The following ANK2 variants were observed in gnomAD, a reference collection of about 807,000 sequenced individuals.
The protein encoded by ANK2 is ankyrin-2.
In ANK2, 83 loss-of-function variants were observed where a neutral mutation model predicts 360.5. The ratio of observed to expected loss-of-function variants is 0.23; its 90% CI spans 0.19 to 0.28. ANK2 has a LOEUF of 0.28. Ranked by LOEUF, ANK2 falls within the 10% of genes least tolerant of loss-of-function variation. The pLI, the probability that ANK2 is intolerant of heterozygous loss-of-function variation, is 1.00. For missense variants in ANK2, 4,201 were observed against 4,795.7 expected (o/e 0.88, Z 3.66); for synonymous variants, 1,740 against 1,759.5 (o/e 0.99, Z 0.28).
In ANK2 at chr4:113,355,865, G is replaced by A. The variant is rs766001488; in HGVS notation, c.7247G>A (p.Arg2416Gln). 2.0e-5 allele frequency: 33 copies of A among 1,613,968 alleles called. No homozygotes were observed. Among genetic ancestry groups the A allele is most frequent in the Non-Finnish European group, 2.5e-5 (30 of 1,179,976 alleles). The change falls in exon 38 of 46, where the codon CGA becomes CAA. Residue 2416 changes from arginine to glutamine, a missense_variant. Physicochemically the swap from Arg to Gln is conservative, Grantham distance 43. Around this residue, in one of 4 missense-constraint regions of ANK2, gnomAD observed 2,642 missense variants for 2,714.5 expected, o/e 0.97. Coordinates refer to ENST00000357077, the MANE Select transcript of ANK2 (RefSeq NM_001148.6). Reference sequence around the variant, plus strand: ...GGGTTAGAACTTGCACTCCCTAGCCGAGATAGCGAAGTCCTCAGCGCTGTG... The same window carrying A: ...GGGTTAGAACTTGCACTCCCTAGCCAAGATAGCGAAGTCCTCAGCGCTGTG... ...PQGLELALPS[R>Q]DSEVLSAVAD...
intron 5 of ANK2, among the ~76,000 whole-genome samples, chr4:113,234,463 T>C (rs1229928324): frequency 6.6e-6 from 1 of 152,218 alleles, no homozygotes. Flanking sequence ...GATTAAACTC[T>C]CAATGCCTGC....
intron 22 of ANK2, among the ~76,000 whole-genome samples, chr4:113,294,707 T>C (rs991020532): frequency 3.3e-5 from 5 of 152,206 alleles, no homozygotes; most frequent in African/African-American, 1.2e-4. Flanking sequence ...ATAGCACTGC[T>C]TGTTTTCTGA....
chr4:113,357,635 T>A lies in ANK2; in HGVS notation c.9017T>A (p.Met3006Lys). The change falls in exon 38 of 46, where the codon ATG (methionine) becomes AAG (lysine). Residue 3006 changes from methionine to lysine, a missense_variant. Physicochemically the swap from Met to Lys is moderately conservative, Grantham distance 95. Around this residue, in one of 4 missense-constraint regions of ANK2, gnomAD observed 2,642 missense variants for 2,714.5 expected, o/e 0.97. Transcript: ENST00000357077. ...ESQQESTLWE[M>K]QSDSVSSSFE... is the part of the protein sequence containing the mutation. ...CAACAGGAAAGTACCTTGTGGGAAATGCAATCAGACAGTGTCTCTTCATCT... is the reference window on the plus strand; with the variant it reads ...CAACAGGAAAGTACCTTGTGGGAAAAGCAATCAGACAGTGTCTCTTCATCT... The A allele has an allele frequency of 1.2e-6, 2 of 1,614,112 alleles. No individual in the cohort carries two copies. The highest frequency in any genetic ancestry group is 1.7e-6 in the Non-Finnish European group (2 of 1,179,964).
the ANK2 span, among the ~76,000 whole-genome samples, chr4:112,711,256 G>A: frequency 6.6e-6 from 1 of 151,648 alleles, no homozygotes; most frequent in African/African-American, 2.4e-5. Context: ...GCAGTGGGGT[G>A]CAGTGGTTAT....
At chr4:113,367,236 C>T (rs1453418726) in intron 41 of ANK2, among the ~76,000 whole-genome samples, 1 of 152,166 alleles carries the variant, frequency 6.6e-6, no homozygotes, top group African/African-American at 2.4e-5. Context: ...TCAATTCCCA[C>T]TTGCCATTAG....
intron 45 of ANK2, among the ~76,000 whole-genome samples, chr4:113,377,012 G>C (rs1215728505): frequency 6.6e-6 from 1 of 151,670 alleles, no homozygotes; most frequent in African/African-American, 2.4e-5. Context: ...CCTGCCTGAG[G>C]CTCCTTGATA....
chr4:113,047,448 T>C (rs1341163942), upstream of ANK2, among the ~76,000 whole-genome samples: 8 of 152,330 alleles, frequency 5.3e-5, no homozygotes, highest in South Asian at 1.0e-3. Flanking sequence ...TGGCACATGA[T>C]AGTCATCCAA....
At chr4:113,174,736 T>A (rs2098128296) in intron 2 of ANK2, among the ~76,000 whole-genome samples, 1 of 152,186 alleles carries the variant, frequency 6.6e-6, no homozygotes, top group Non-Finnish European at 1.5e-5. Context: ...AAACAACAAC[T>A]GAATGTCAAT....
At chr4:112,908,053 G>A (rs1452377618) in intron 2 of ANK2, among the ~76,000 whole-genome samples, 1 of 152,140 alleles carries the variant, frequency 6.6e-6, no homozygotes, top group East Asian at 1.9e-4. Flanking sequence ...GCCTAGGGCT[G>A]AAAACATCCA....
intron 2 of ANK2, among the ~76,000 whole-genome samples, chr4:113,029,565 C>T (rs1011407064): frequency 3.2e-4 from 48 of 151,958 alleles, no homozygotes; most frequent in African/African-American, 1.1e-3. Context: ...TATAAATGAA[C>T]GTGGCCGGAG....
chr4:113,070,342 T>TA (rs1357362312), intron 1 of ANK2, among the ~76,000 whole-genome samples: 7 of 151,906 alleles, frequency 4.6e-5, no homozygotes, highest in South Asian at 4.2e-4. Flanking sequence ...CCTTTATCAT[T>TA]AAAAAAAAGT....
At chr4:112,740,753 T>C in the ANK2 span, among the ~76,000 whole-genome samples, 1 of 151,518 alleles carries the variant, frequency 6.6e-6, no homozygotes, top group African/African-American at 2.4e-5. Flanking sequence ...GTGGCTTACG[T>C]CCGTAATCCC....
intron 4 of ANK2, among the ~76,000 whole-genome samples, chr4:113,207,342 T>C (rs1480700358): frequency 1.3e-5 from 2 of 152,196 alleles, no homozygotes; most frequent in Non-Finnish European, 2.9e-5. Context: ...AGATGTCTCA[T>C]TTATTTATCA....
chr4:113,242,921 T>C (rs918892063), intron 9 of ANK2, among the ~76,000 whole-genome samples: 3 of 152,220 alleles, frequency 2.0e-5, no homozygotes, highest in African/African-American at 7.2e-5. Context: ...GGCAGTTTAC[T>C]TACCTTCTCT....
the ANK2 span, among the ~76,000 whole-genome samples, chr4:112,738,123 C>T: frequency 6.6e-5 from 10 of 152,166 alleles, no homozygotes; most frequent in Non-Finnish European, 1.5e-4. Context: ...TTGAATAAGA[C>T]ATGAGGCCGG....
At chr4:112,930,892 GA>G (rs111287075) in intron 2 of ANK2, among the ~76,000 whole-genome samples, 17,033 of 115,956 alleles carry the variant, frequency 0.15, 1,638 homozygotes, top group East Asian at 0.37. Flanking sequence ...CATCTCGAGA[GA>G]AAAAAAAAAA....
intron 45 of ANK2, chr4:113,374,949 A>G (rs987730518): frequency 3.1e-5 from 35 of 1,132,600 alleles, no homozygotes; most frequent in African/African-American, 4.9e-5. Context: ...TTGAAGAGGT[A>G]TAGAAGCATC....
intron 18 of ANK2, among the ~76,000 whole-genome samples, chr4:113,285,325 G>T (rs2064005092): frequency 6.6e-6 from 1 of 152,106 alleles, no homozygotes. Flanking sequence ...TCTGGAGAGA[G>T]TGTTAGATCC....
intron 2 of ANK2, among the ~76,000 whole-genome samples, chr4:112,984,781 T>C (rs2044297451): frequency 6.6e-6 from 1 of 152,190 alleles, no homozygotes; most frequent in Admixed American, 6.5e-5. Flanking sequence ...ATTCTCATGG[T>C]CAGAAGTGAG....
Sources: allele counts gnomAD v4.1 joint callset (sites outside exome capture counted in the v4.1 genomes callset), GRCh38; gene constraint gnomAD v4.1.1; regional missense constraint gnomAD v4.1.1; transcripts MANE v1.5; gene names NCBI Gene and HGNC (gene_info 2026-07-23, HGNC 2026-07-21).